AFF1: variants seen among roughly 807,000 people sequenced by gnomAD.
The protein encoded by AFF1 is ALF transcription elongation factor 1, also known as AF4/FMR2 family member 1.
A neutral mutation model predicts 121.7 loss-of-function variants in AFF1; 48 were observed. The observed-to-expected ratio is 0.39, with a 90% CI of 0.31 to 0.50. The LOEUF (loss-of-function observed/expected upper bound fraction) is 0.50, where lower values mean the gene tolerates loss of function less well. AFF1 is among the 20% of genes least tolerant of loss of function. AFF1 has a pLI of 0.76. For synonymous variants in AFF1, 613 were observed against 563.0 expected, an observed-to-expected ratio of 1.09 and a Z score of -1.26; for missense variants, 1,523 against 1,511.7, an observed-to-expected ratio of 1.01 and a Z score of -0.12.
chr4:86,966,066 T>C (rs1011943053), intron 2 of AFF1, among the ~76,000 whole-genome samples: 1 of 127,160 alleles, frequency 7.9e-6, no homozygotes, highest in African/African-American at 3.3e-5. Context: ...TTTTCTTTCC[T>C]TTTTTTTTTT....
At chr4:87,092,734 CAT>C (rs1299480304) in intron 7 of AFF1, among the ~76,000 whole-genome samples, 3 of 152,152 alleles carry the variant, frequency 2.0e-5, no homozygotes, top group Non-Finnish European at 4.4e-5. Flanking sequence ...GCAAAGAAGT[CAT>C]AACTAAAATT....
At chr4:86,995,679 C>G (rs1725098022) in intron 2 of AFF1, among the ~76,000 whole-genome samples, 1 of 151,428 alleles carries the variant, frequency 6.6e-6, no homozygotes, top group Non-Finnish European at 1.5e-5. Context: ...CACCTCCCAG[C>G]AGCCTGCCTT....
chr4:87,120,842 C>G (rs929486890), intron 12 of AFF1, among the ~76,000 whole-genome samples: 6 of 152,338 alleles, frequency 3.9e-5, no homozygotes, highest in African/African-American at 1.4e-4. Context: ...AGTGTCAGTT[C>G]TGGAAAAAGC....
At chr4:87,032,747 A>G (rs1480958038) in intron 2 of AFF1, among the ~76,000 whole-genome samples, 1 of 152,196 alleles carries the variant, frequency 6.6e-6, no homozygotes. Context: ...ATACTCTCCC[A>G]TGATAGAATG....
At chr4:87,016,683 A>T (rs1560541935) in intron 2 of AFF1, among the ~76,000 whole-genome samples, 1 of 152,134 alleles carries the variant, frequency 6.6e-6, no homozygotes, top group Non-Finnish European at 1.5e-5. Flanking sequence ...ATTTTATCCC[A>T]TACCTGGTAA....
intron 3 of AFF1, 33 bp downstream of exon 3, chr4:87,046,319 AT>A (rs759841138): frequency 3.7e-6 from 6 of 1,603,514 alleles, no homozygotes; most frequent in South Asian, 2.2e-5. Flanking sequence ...TGAAGTCCTG[AT>A]TTATCACAAT....
chr4:87,103,061 A>C (rs1220636795), intron 8 of AFF1, among the ~76,000 whole-genome samples: 2 of 152,160 alleles, frequency 1.3e-5, no homozygotes, highest in Non-Finnish European at 2.9e-5. Context: ...TTTTCTGTTT[A>C]AAAAAAATTC....
intron 13 of AFF1, 80 bp from the exon 14 acceptor site, chr4:87,126,019 C>A: frequency 7.3e-7 from 1 of 1,375,218 alleles, no homozygotes; most frequent in South Asian, 1.2e-5. Context: ...TTTGTGCCAG[C>A]AGCCAGTTTG....
At chr4:87,057,172 T>C (rs915557275) in intron 4 of AFF1, among the ~76,000 whole-genome samples, 27 of 152,012 alleles carry the variant, frequency 1.8e-4, no homozygotes, top group African/African-American at 6.5e-4. Flanking sequence ...AGAAAAGACA[T>C]AGAAGCAAGA....
At chr4:86,948,425 CT>C in intron 1 of AFF1, 72 bp from the exon 2 acceptor site, 1 of 991,216 alleles carries the variant, frequency 1.0e-6, no homozygotes, top group Non-Finnish European at 1.5e-6. Flanking sequence ...AATAAAGCTT[CT>C]TACAGGTCAT....
At chr4:87,010,295 A>G (rs1180836347) in intron 2 of AFF1, among the ~76,000 whole-genome samples, 2 of 152,230 alleles carry the variant, frequency 1.3e-5, no homozygotes, top group Non-Finnish European at 2.9e-5. Context: ...TTTGGGGGTC[A>G]TATTTTGAAA....
chr4:86,987,767 A>G (rs186890131), intron 2 of AFF1, among the ~76,000 whole-genome samples: 1 of 152,260 alleles, frequency 6.6e-6, no homozygotes, highest in Admixed American at 6.5e-5. Context: ...AGCCTGGCCA[A>G]CATAGTGAAA....
At chr4:86,989,819 G>A (rs1281928032) in intron 2 of AFF1, among the ~76,000 whole-genome samples, 10 of 152,106 alleles carry the variant, frequency 6.6e-5, no homozygotes, top group Admixed American at 5.9e-4. Context: ...AATACGGCAC[G>A]TATATACCAT....
chr4:86,959,276 G>T (rs944742962), intron 2 of AFF1, among the ~76,000 whole-genome samples: 1 of 151,942 alleles, frequency 6.6e-6, no homozygotes, highest in Non-Finnish European at 1.5e-5. Context: ...TTTGATCTGG[G>T]TGTTGGTTAC....
chr4:87,074,413 A>G (rs2149684653), intron 4 of AFF1, among the ~76,000 whole-genome samples: 1 of 152,314 alleles, frequency 6.6e-6, no homozygotes, highest in Non-Finnish European at 1.5e-5. Flanking sequence ...TCAAAGGCAC[A>G]GTGTTTTAAA....
At chr4:86,977,740 A>G (rs1202926247) in intron 2 of AFF1, among the ~76,000 whole-genome samples, 2 of 152,218 alleles carry the variant, frequency 1.3e-5, no homozygotes, top group African/African-American at 4.8e-5. Flanking sequence ...CAAGAATAGT[A>G]CCTAACACTG....
chr4:87,139,235 T>C lies in AFF1; in HGVS notation c.*3534T>C, dbSNP rs1729532139. 4.3e-6 allele frequency: 1 copy of C among 232,626 alleles called. No homozygotes were observed. Among genetic ancestry groups the C allele is most frequent in the African/African-American group, 2.2e-5 (1 of 45,322 alleles). The allele number at this position is 232,626 out of a possible 1,614,324, so 14.4% of individuals were successfully genotyped here. ...GTTTGTTTCGCCATGGCTTCAGGGA[T>C]GCTACATGGCTCTTGCACCTTTTAC... On this transcript the variant is annotated 3_prime_UTR_variant, in exon 21 of 21. Coordinates refer to ENST00000395146, the MANE Select transcript of AFF1 (RefSeq NM_001166693.3).
chr4:86,967,386 G>C (rs1470399469), intron 2 of AFF1, among the ~76,000 whole-genome samples: 1 of 152,210 alleles, frequency 6.6e-6, no homozygotes, highest in Non-Finnish European at 1.5e-5. Flanking sequence ...ACTGTAGCTG[G>C]AGCAGAGAGC....
intron 2 of AFF1, among the ~76,000 whole-genome samples, chr4:86,980,357 C>A (rs562965624): frequency 6.6e-6 from 1 of 152,114 alleles, no homozygotes; most frequent in African/African-American, 2.4e-5. Flanking sequence ...CTGGGCATGG[C>A]GGTACATGCC....
Sources: gnomAD v4.1 joint callset for allele counts (sites outside exome capture counted in the v4.1 genomes callset) on GRCh38, gnomAD v4.1.1 for gene constraint, MANE v1.5 for transcripts, NCBI Gene and HGNC (gene_info 2026-07-23, HGNC 2026-07-21) for gene names.